PJVK: variants seen among roughly 807,000 people sequenced by gnomAD.
The protein encoded by PJVK is autosomal recessive deafness type 59 protein.
Under a neutral mutation model 37.6 loss-of-function variants are expected in PJVK, and 33 were observed. The ratio of observed to expected loss-of-function variants is 0.88; its 90% confidence interval spans 0.67 to 1.17. The LOEUF (loss-of-function observed/expected upper bound fraction) is 1.17. Ranked by LOEUF, PJVK falls within the 50% of genes most tolerant of loss-of-function variation. The pLI, the probability that PJVK is intolerant of heterozygous loss-of-function variation, is 0.00. For synonymous variants in PJVK, 141 were observed against 143.5 expected, an observed-to-expected ratio of 0.98 and a Z score of 0.13; for missense variants, 410 against 413.8, an observed-to-expected ratio of 0.99 and a Z score of 0.08.
chr2:178,453,523 A>G lies in PJVK; in HGVS notation c.114A>G (p.Val38=), dbSNP rs1697842596. 6.2e-7 allele frequency: 1 copy of G among 1,614,132 alleles called. No homozygotes were observed. The highest frequency in any genetic ancestry group is 1.3e-5 in the African/African-American group (1 of 75,056). ...ADKYQPLSLV[V]KKKRCFLFPR... is the part of the protein sequence containing the mutation. ...AATATCAACCTCTAAGTCTGGTGGTAAAAAAGAAGCGATGCTTTCTGTTTC... is the reference window on the plus strand; with the variant it reads ...AATATCAACCTCTAAGTCTGGTGGTGAAAAAGAAGCGATGCTTTCTGTTTC... The change falls in exon 2 of 7, where the codon GTA becomes GTG. Residue 38 remains valine, a synonymous_variant. Coordinates refer to ENST00000644580, the MANE Select transcript of PJVK (RefSeq NM_001042702.5).
chr2:178,456,190 G>A (rs1355368408), intron 4 of PJVK, 39 bp downstream of exon 4: 2 of 1,605,186 alleles, frequency 1.2e-6, no homozygotes, highest in Middle Eastern at 3.3e-4. Flanking sequence ...TAACTAAAGT[G>A]TTGCCATGGG....
rs1234560164 is a variant in PJVK at position 178,461,550 on chromosome 2, C to A, written c.*276C>A. ...TGAATCATGCCAGTCACTTTAGAAT[C>A]ATTTTTGGGATGTAGTCTATCATTT... On this transcript the variant is annotated 3_prime_UTR_variant, in exon 7 of 7. Transcript: ENST00000644580. 4 of 310,624 alleles carry A rather than the reference C, an allele frequency of 1.3e-5. No individual in the cohort carries two copies. Among genetic ancestry groups the A allele is most frequent in the Admixed American group, 9.6e-5 (2 of 20,926 alleles). The allele number at this position is 310,624 out of a possible 1,614,324, so 19.2% of individuals were successfully genotyped here. A position where few individuals can be genotyped will look rare whatever the true frequency, so the allele number is the denominator to read the frequency against.
rs1559373009 is a variant in PJVK at position 178,461,583 on chromosome 2, C to CTTTTT, written c.*309_*310insTTTTT. ...GGATGTAGTCTATCATTTTAGTTCA[C>CTTTTT]CTTTTTTTTTTTTTTTTTTGAGACA... On this transcript the variant is annotated 3_prime_UTR_variant, in exon 7 of 7. Coordinates refer to ENST00000644580, the MANE Select transcript of PJVK (RefSeq NM_001042702.5). 1.7e-5 allele frequency among the ~76,000 whole-genome samples: 2 copies of CTTTTT among 117,216 alleles called. No individual in the cohort carries two copies. The highest frequency in any genetic ancestry group is 7.9e-5 in the Admixed American group (1 of 12,604). 76.9% of individuals were successfully genotyped at this position (117,216 alleles called of 152,430 possible).
intron 3 of PJVK, chr2:178,455,074 G>T: frequency 6.7e-7 from 1 of 1,494,066 alleles, no homozygotes; most frequent in Non-Finnish European, 9.3e-7. Flanking sequence ...TCAAGGGGCA[G>T]CCAGCGATCA....
In PJVK at chr2:178,461,415, C is replaced by G; in HGVS notation, c.*141C>G. 1.1e-6 allele frequency: 1 copy of G among 871,600 alleles called. No individual in the cohort carries two copies. The allele number at this position is 871,600 out of a possible 1,614,324, so 54.0% of individuals were successfully genotyped here. A position where few individuals can be genotyped will look rare whatever the true frequency, so the allele number is the denominator to read the frequency against. ...ATTAACCTGTCTGGGTATCATATTC[C>G]CTATCTATAAAGTAGCAATTATAAC... is the stretch of plus-strand genomic sequence containing the variant. On this transcript the variant is annotated 3_prime_UTR_variant, in exon 7 of 7. Coordinates refer to ENST00000644580, the MANE Select transcript of PJVK (RefSeq NM_001042702.5).
intron 3 of PJVK, chr2:178,454,739 G>C (rs755613277): frequency 2.9e-5 from 45 of 1,568,948 alleles, no homozygotes; most frequent in Non-Finnish European, 3.4e-5. Flanking sequence ...CAGGGCCCCA[G>C]ATCAAGGAGC....
At position 178,458,032 on chromosome 2, in the gene PJVK, C is replaced by T. The variant is rs138350870; in HGVS notation, c.550-478C>T. Among the ~76,000 whole-genome samples, 221 of 152,286 alleles carry T rather than the reference C, an allele frequency of 1.5e-3. 5 individuals are homozygous for T. The South Asian group carries it at 0.022, about 15-fold the overall frequency. On this transcript the variant is annotated intron_variant, in intron 4 of 6. Transcript: ENST00000644580. ...TCTTTGCAAATAAAAGTTATTTTCGCATATTCAGCTGCCTGTCAAATTCTG... is the reference window on the plus strand; with the variant it reads ...TCTTTGCAAATAAAAGTTATTTTCGTATATTCAGCTGCCTGTCAAATTCTG...
rs981709834 is a variant in PJVK, at chr2:178,451,464, G to T, written c.-328G>T. On this transcript the variant is annotated 5_prime_UTR_variant, in exon 1 of 7. Coordinates refer to ENST00000644580, the MANE Select transcript of PJVK (RefSeq NM_001042702.5). ...CTTGCCGGGAGAGAGGGATTAGAGGGATTGTCCGGCGTGGGTCTAGGGTCG... is the reference window on the plus strand; with the variant it reads ...CTTGCCGGGAGAGAGGGATTAGAGGTATTGTCCGGCGTGGGTCTAGGGTCG... 2.2e-4 allele frequency: 40 copies of T among 183,406 alleles called. No individual in the cohort carries two copies. Among genetic ancestry groups the T allele is most frequent in the African/African-American group, 9.2e-4 (39 of 42,206 alleles). 11.4% of individuals were successfully genotyped at this position (183,406 alleles called of 1,614,324 possible).
chr2:178,460,476 CT>C (rs756457774), intron 6 of PJVK, 30 bp downstream of exon 6: 2,297 of 1,422,734 alleles, frequency 1.6e-3, no homozygotes, highest in Middle Eastern at 2.7e-3. Flanking sequence ...CTGTGAATGT[CT>C]TTTTTTTTTC....
At chr2:178,460,211 T>TA in intron 5 of PJVK, 137 bp from the exon 6 acceptor site, 1 of 747,938 alleles carries the variant, frequency 1.3e-6, no homozygotes, top group Non-Finnish European at 2.2e-6. Context: ...ATGTGAATGT[T>TA]ACCTTTTCCA....
intron 6 of PJVK, 105 bp downstream of exon 6, chr2:178,460,551 T>C (rs947194040): frequency 1.3e-5 from 15 of 1,116,240 alleles, no homozygotes; most frequent in Non-Finnish European, 1.8e-5. Context: ...AAAATTTAAA[T>C]TTAAAAGCCT....
intron 1 of PJVK, chr2:178,453,106 T>C: frequency 5.5e-6 from 2 of 363,650 alleles, no homozygotes; most frequent in South Asian, 4.6e-5. Context: ...ATCCTTATCA[T>C]AGACATTGGT....
chr2:178,453,338 T>C, intron 1 of PJVK, 50 bp from the exon 2 acceptor site: 1 of 1,490,674 alleles, frequency 6.7e-7, no homozygotes, highest in Non-Finnish European at 9.3e-7. Context: ...CAATGCTTAA[T>C]TTTGTGCCTG....
intron 4 of PJVK, among the ~76,000 whole-genome samples, chr2:178,457,615 C>G (rs1034281867): frequency 4.7e-5 from 7 of 149,232 alleles, no homozygotes; most frequent in Non-Finnish European, 1.5e-5. Flanking sequence ...GTAGCAGTCT[C>G]TTCTCCAAAC....
chr2:178,460,240 C>A, intron 5 of PJVK, 108 bp from the exon 6 acceptor site: 1 of 984,526 alleles, frequency 1.0e-6, no homozygotes, highest in Non-Finnish European at 1.5e-6. Flanking sequence ...TAAAAGTCAA[C>A]TTTTAAAAAC....
chr2:178,457,909 A>T (rs536952251), intron 4 of PJVK, among the ~76,000 whole-genome samples: 1 of 152,292 alleles, frequency 6.6e-6, no homozygotes, highest in African/African-American at 2.4e-5. Context: ...CTCAATTATG[A>T]TATTGTTTAT....
intron 3 of PJVK, 78 bp from the exon 4 acceptor site, chr2:178,455,932 A>C: frequency 6.5e-7 from 1 of 1,533,616 alleles, no homozygotes; most frequent in Non-Finnish European, 8.9e-7. Context: ...AATGAATAAC[A>C]CATGATAGCA....
At chr2:178,459,070 A>G in intron 5 of PJVK, 1 of 448,330 alleles carries the variant, frequency 2.2e-6, no homozygotes, top group South Asian at 1.6e-5. Context: ...TACTTATCAT[A>G]GACCCAGCTT....
intron 1 of PJVK, chr2:178,452,008 T>C: frequency 2.3e-6 from 1 of 442,928 alleles, no homozygotes; most frequent in Non-Finnish European, 3.0e-6. Flanking sequence ...AAAAGTGATT[T>C]ATGGGCGGGC....
Sources: allele counts gnomAD v4.1 joint callset (sites outside exome capture counted in the v4.1 genomes callset), GRCh38; gene constraint gnomAD v4.1.1; transcripts MANE v1.5; gene names NCBI Gene and HGNC (gene_info 2026-07-23, HGNC 2026-07-21).